HSF5: variants seen among roughly 807,000 people sequenced by gnomAD.
HSF5 encodes the protein heat shock factor protein 5.
Under a neutral mutation model 50.8 loss-of-function variants are expected in HSF5, and 5 were observed. That is an observed-to-expected ratio of 0.10 (90% CI 0.05 to 0.21). HSF5 has a LOEUF of 0.21. HSF5 is among the 10% of genes least tolerant of loss of function. The pLI is 1.00. For missense variants in HSF5, 564 were observed against 762.6 expected, an observed-to-expected ratio of 0.74 and a Z score of 3.07; for synonymous variants, 307 against 307.4, an observed-to-expected ratio of 1.00 and a Z score of 0.02.
intron 2 of HSF5, among the ~76,000 whole-genome samples, chr17:58,475,747 G>A (rs1355121206): frequency 6.6e-6 from 1 of 152,198 alleles, no homozygotes; most frequent in African/African-American, 2.4e-5. Flanking sequence ...AGAGAAAGGA[G>A]GAGAAAAGCT....
At position 58,478,171 on chromosome 17, in the gene HSF5, C is replaced by T. The variant is rs751961043; in HGVS notation, c.925+1722G>A. ...ATTTGAGGCCAGGCACAGTGGCTCA[C>T]GCCTGTAATCCCAGCACTTTGGGAG... On this transcript the variant is annotated intron_variant, in intron 2 of 5. Transcript: ENST00000323777. Among the ~76,000 whole-genome samples the T allele has an allele frequency of 5.9e-5, 9 of 151,966 alleles. No homozygotes were observed. In the East Asian group the frequency reaches 9.7e-4, roughly 16 times the overall value.
intron 5 of HSF5, among the ~76,000 whole-genome samples, chr17:58,450,492 G>A (rs1447556399): frequency 2.0e-5 from 3 of 151,950 alleles, no homozygotes; most frequent in Non-Finnish European, 2.9e-5. Flanking sequence ...AATGGCTCAC[G>A]TCTGTAATCC....
chr17:58,433,911 ATTT>A (rs59043902), intron 5 of HSF5, among the ~76,000 whole-genome samples: 1 of 109,346 alleles, frequency 9.1e-6, no homozygotes, highest in Non-Finnish European at 1.8e-5. Flanking sequence ...GGTCAAAGGG[ATTT>A]TTTTTTTTTT....
intron 5 of HSF5, among the ~76,000 whole-genome samples, chr17:58,456,285 C>T (rs756145814): frequency 1.3e-5 from 2 of 151,812 alleles, no homozygotes; most frequent in Non-Finnish European, 2.9e-5. Flanking sequence ...ACCTGGAGAA[C>T]ATTATGTTAA....
At chr17:58,459,039 T>C in intron 4 of HSF5, 94 bp from the exon 5 acceptor site, 1 of 1,094,636 alleles carries the variant, frequency 9.1e-7, no homozygotes, top group Non-Finnish European at 1.3e-6. Flanking sequence ...TATGGGAACA[T>C]GATCCAACAA....
At chr17:58,476,008 A>G in intron 2 of HSF5, 1 of 356,740 alleles carries the variant, frequency 2.8e-6, no homozygotes, top group Non-Finnish European at 5.2e-6. Flanking sequence ...CCTCAAGAAC[A>G]GGGTGACTGA....
rs564198202 is a variant in HSF5 at position 58,427,868 on chromosome 17, G to A, written c.1721-5438C>T. ...GAACATCTAATACAAGGTTGGCAAA[G>A]TTTTTCCTGTAAAGAGTCAGATAAT... On this transcript the variant is annotated intron_variant, in intron 5 of 5. Transcript: ENST00000323777. 6.6e-4 allele frequency among the ~76,000 whole-genome samples: 101 copies of A among 152,312 alleles called. 6 individuals carry two copies. In the South Asian group the frequency reaches 0.021, roughly 31 times the overall value.
rs1331172975 is a variant in HSF5 at position 58,487,036 on chromosome 17, T to C, written c.550+689A>G. 2.0e-5 allele frequency among the ~76,000 whole-genome samples: 3 copies of C among 151,538 alleles called. No homozygotes were observed. In the East Asian group the frequency reaches 5.9e-4, roughly 30 times the overall value. On this transcript the variant is annotated intron_variant, in intron 1 of 5. Coordinates refer to ENST00000323777, the MANE Select transcript of HSF5 (RefSeq NM_001080439.3). ...GATTCTCCTGCCTCAGTCTCCTAAG[T>C]AGCTGGGATTACAGGCGTGCACCAC...
rs751384006 is a variant in HSF5, at chr17:58,466,910, G to A, written c.995C>T (p.Ser332Phe). 8 of 1,606,750 alleles carry A rather than the reference G, an allele frequency of 5.0e-6. No homozygotes were observed. In the Admixed American group the frequency reaches 1.3e-4, roughly 27 times the overall value. The change falls in exon 3 of 6, where the codon TCC becomes TTC. Residue 332 changes from serine (S) to phenylalanine (F), a missense_variant. Ser to Phe is a radical substitution (Grantham distance 155). This residue lies in a region of HSF5 where 441 missense variants were observed against 533.6 expected (regional missense o/e 0.83). Coordinates refer to ENST00000323777, the MANE Select transcript of HSF5 (RefSeq NM_001080439.3). ...CTGGAAGTAGTTGCAGTGTGCATAG[G>A]AAGAGGCAGTGGGAGTGACACAACT... is the stretch of plus-strand genomic sequence containing the variant. ...LSSCVTPTAS[S>F]YAHCNYFQNP...
chr17:58,452,338 C>T (rs1974652681), intron 5 of HSF5, among the ~76,000 whole-genome samples: 1 of 152,086 alleles, frequency 6.6e-6, no homozygotes, highest in Non-Finnish European at 1.5e-5. Flanking sequence ...TCACAACTAA[C>T]ACCAGAGAAG....
At chr17:58,458,677 T>C in intron 5 of HSF5, 91 bp downstream of exon 5, 4 of 1,034,684 alleles carry the variant, frequency 3.9e-6, no homozygotes, top group Non-Finnish European at 5.6e-6. Context: ...CAATTATGAA[T>C]AATAAATGGA....
intron 2 of HSF5, among the ~76,000 whole-genome samples, chr17:58,475,370 T>A (rs1404321477): frequency 2.0e-5 from 3 of 152,182 alleles, no homozygotes; most frequent in South Asian, 4.1e-4. Flanking sequence ...TCATCTTTCC[T>A]TTCCAGTGAA....
chr17:58,481,068 G>A (rs970567905), intron 1 of HSF5, among the ~76,000 whole-genome samples: 4 of 152,188 alleles, frequency 2.6e-5, no homozygotes, highest in Non-Finnish European at 4.4e-5. Context: ...ACAGGCATGA[G>A]CCACCATGTC....
At chr17:58,474,585 A>G (rs893951688) in intron 2 of HSF5, among the ~76,000 whole-genome samples, 4 of 152,250 alleles carry the variant, frequency 2.6e-5, no homozygotes, top group Non-Finnish European at 4.4e-5. Context: ...CTAAAATAAA[A>G]TATTTTTAAA....
At chr17:58,468,344 G>C (rs548597984) in intron 2 of HSF5, among the ~76,000 whole-genome samples, 4 of 152,288 alleles carry the variant, frequency 2.6e-5, no homozygotes, top group Non-Finnish European at 5.9e-5. Flanking sequence ...GCTGCAGTGA[G>C]CCATGATTGT....
intron 5 of HSF5, among the ~76,000 whole-genome samples, chr17:58,432,953 C>G (rs1974383433): frequency 6.6e-6 from 1 of 152,150 alleles, no homozygotes; most frequent in Admixed American, 6.5e-5. Context: ...AGAAGGGAGT[C>G]AAGGGAGACT....
intron 2 of HSF5, chr17:58,476,928 T>A: frequency 1.2e-6 from 1 of 832,568 alleles, no homozygotes; most frequent in South Asian, 1.5e-5. Context: ...TCCTTTTTAC[T>A]GATTTTGGCA....
rs1489014547 is a variant in HSF5 at position 58,478,470 on chromosome 17, C to T, written c.925+1423G>A. Among the ~76,000 whole-genome samples, 7 of 121,260 alleles carry T rather than the reference C, an allele frequency of 5.8e-5. No homozygotes were observed. In the South Asian group the frequency reaches 1.8e-3, roughly 32 times the overall value. 79.6% of individuals were successfully genotyped at this position (121,260 alleles called of 152,430 possible). A position where few individuals can be genotyped will look rare whatever the true frequency, so the allele number is the denominator to read the frequency against. ...CCAGCCTGGCAACAGAGCGAGACTC[C>T]ATCTCAAAAAAAAAAAAAAAGAAAA... On this transcript the variant is annotated intron_variant, in intron 2 of 5. Transcript: ENST00000323777.
chr17:58,483,061 G>A (rs1029938346), intron 1 of HSF5, among the ~76,000 whole-genome samples: 1 of 151,692 alleles, frequency 6.6e-6, no homozygotes, highest in Non-Finnish European at 1.5e-5. Flanking sequence ...CTTCACAAGA[G>A]GTGTTTCTGC....
Sources: gnomAD v4.1 joint callset for allele counts (sites outside exome capture counted in the v4.1 genomes callset) on GRCh38, gnomAD v4.1.1 for gene constraint, gnomAD v4.1.1 regional missense constraint, MANE v1.5 for transcripts, NCBI Gene and HGNC (gene_info 2026-07-23, HGNC 2026-07-21) for gene names.